CSPG4: variants seen among roughly 807,000 people sequenced by gnomAD.
The protein encoded by CSPG4 is chondroitin sulfate proteoglycan 4, also known as chondroitin sulfate proteoglycan 4 (melanoma-associated).
Under a neutral mutation model 139.3 loss-of-function variants are expected in CSPG4, and 74 were observed. That is an observed-to-expected ratio of 0.53 (90% CI 0.44 to 0.64). The LOEUF is 0.64. Ranked by LOEUF, CSPG4 falls within the 30% of genes least tolerant of loss-of-function variation. The pLI, the probability that CSPG4 is intolerant of heterozygous loss-of-function variation, is 0.00. For synonymous variants in CSPG4, 1,234 were observed against 1,394.2 expected (o/e 0.89, Z 2.56); for missense variants, 2,565 against 3,148.3 (o/e 0.81, Z 4.43).
chr15:75,699,203 G>A (rs902472076), intron 1 of CSPG4, among the ~76,000 whole-genome samples: 2 of 152,228 alleles, frequency 1.3e-5, no homozygotes, highest in Non-Finnish European at 2.9e-5. Flanking sequence ...CCAGTGGGGT[G>A]CTGGAGTGCT....
intron 1 of CSPG4, among the ~76,000 whole-genome samples, chr15:75,706,233 CCT>C (rs759432027): frequency 2.6e-5 from 4 of 152,230 alleles, no homozygotes; most frequent in East Asian, 1.9e-4. Context: ...TCCCCAGCCC[CCT>C]CTGTCTCCCC....
Position 75,698,350 on chromosome 15 carries a change from G to A in CSPG4, c.89-5117C>T, listed in dbSNP as rs775877464. ...CGGGGGGTGGTCGTGGCCCACCTGG[G>A]GGCTGAATGCCGGCTCTGTGAGAGC... On this transcript the variant is annotated intron_variant, in intron 1 of 9. Coordinates refer to ENST00000308508, the MANE Select transcript of CSPG4 (RefSeq NM_001897.5). The surrounding 1 kb of genome is among the most constrained non-coding windows in gnomAD (Gnocchi z 4.3). 3.6e-4 allele frequency among the ~76,000 whole-genome samples: 55 copies of A among 151,950 alleles called. No individual in the cohort carries two copies. The highest frequency in any genetic ancestry group is 6.5e-4 in the Non-Finnish European group (44 of 67,958).
rs564661535 is a variant in CSPG4, at chr15:75,693,145, C to T, written c.177G>A (p.Gln59=). 2.9e-5 allele frequency: 47 copies of T among 1,599,638 alleles called. 1 individual carries two copies. In the South Asian group the frequency reaches 3.7e-4, roughly 13 times the overall value. The change falls in exon 2 of 10, where the codon CAG becomes CAA. Residue 59 remains glutamine, a synonymous_variant. Transcript: ENST00000308508. ...CTGCCAGGAGAAGGAGGGCTTCGGG[C>T]TGGGACGTGGAGAACTGCAGCTGCA... The part of the protein sequence containing the change: ...IDLQLQFSTS[Q]PEALLLLAAG...
chr15:75,695,116 C>T (rs1266063662), intron 1 of CSPG4, among the ~76,000 whole-genome samples: 3 of 152,178 alleles, frequency 2.0e-5, no homozygotes, highest in Admixed American at 2.0e-4. Flanking sequence ...ATCAGGGTTC[C>T]CCCTCCCCAA....
intron 8 of CSPG4, among the ~76,000 whole-genome samples, chr15:75,681,794 T>TGACTCAGCTGCCTTTCATC (rs1893977279): frequency 1.3e-5 from 2 of 152,214 alleles, no homozygotes; most frequent in African/African-American, 4.8e-5. Flanking sequence ...CCCTCTTGGC[T>TGACTCAGCTGCCTTTCATC]GACTCAGCTG....
intron 1 of CSPG4, among the ~76,000 whole-genome samples, chr15:75,700,432 C>T (rs956905166): frequency 5.3e-5 from 8 of 152,128 alleles, no homozygotes; most frequent in Middle Eastern, 3.2e-3. Context: ...TCTCCTTGGG[C>T]GGTTTGGCAG....
Position 75,674,511 on chromosome 15 carries a change from C to G in CSPG4, c.*1039G>C, listed in dbSNP as rs1431103709. The stretch of plus-strand genomic sequence containing the variant: ...AGTTCAGAGGCCTGCCTGGCCCTGT[C>G]CATCCCACTGGCTGAGGCCAGGCCG... On this transcript the variant is annotated 3_prime_UTR_variant, in exon 10 of 10. Coordinates refer to ENST00000308508, the MANE Select transcript of CSPG4 (RefSeq NM_001897.5). 2.6e-6 allele frequency: 1 copy of G among 383,824 alleles called. No homozygotes were observed. The highest frequency in any genetic ancestry group is 3.7e-5 in the East Asian group (1 of 27,278). The allele number at this position is 383,824 out of a possible 1,614,324, so 23.8% of individuals were successfully genotyped here. A position where few individuals can be genotyped will look rare whatever the true frequency, so the allele number is the denominator to read the frequency against.
rs1893880216 is a variant in CSPG4, at chr15:75,675,783, G to A, written c.6736C>T (p.Leu2246Phe). The A allele has an allele frequency of 2.5e-6, 4 of 1,613,572 alleles. No individual in the cohort carries two copies. Among genetic ancestry groups the A allele is most frequent in the Non-Finnish European group, 3.4e-6 (4 of 1,179,852 alleles). Residue 2246 changes from leucine (L) to phenylalanine (F), a missense_variant, in exon 10 of 10, where the codon CTC becomes TTC. Leu to Phe is a conservative substitution (Grantham distance 22). This residue lies in a region of CSPG4 where 2,316 missense variants were observed against 2,818.2 expected (regional missense o/e 0.82). Transcript: ENST00000308508. ...LALILPLLFY[L>F]RKRNKTGKHD... ...TTGCCCGTCTTGTTGCGTTTTCGGA[G>A]GTAGAAGAGCAGGGGCAGGATGAGC...
At chr15:75,694,512 C>T (rs1025442199) in intron 1 of CSPG4, among the ~76,000 whole-genome samples, 3 of 152,210 alleles carry the variant, frequency 2.0e-5, no homozygotes, top group East Asian at 3.8e-4. Flanking sequence ...AGGGATAATC[C>T]GGCACCAGCC....
rs968411256 is a variant in CSPG4, at chr15:75,701,672, C to T, written c.89-8439G>A. 3.9e-5 allele frequency among the ~76,000 whole-genome samples: 6 copies of T among 152,316 alleles called. No individual in the cohort carries two copies. In the East Asian group the frequency reaches 5.8e-4, roughly 15 times the overall value. On this transcript the variant is annotated intron_variant, in intron 1 of 9. Transcript: ENST00000308508. ...GCCTCAGGCCCAGCCTCTGCTAATG[C>T]ACCACGTCTCTCTCACTGGCACCAA...
In CSPG4 at chr15:75,698,872, G is replaced by GGGAA. The variant is rs1894263787; in HGVS notation, c.89-5640_89-5639insTTCC. 1.3e-5 allele frequency among the ~76,000 whole-genome samples: 2 copies of GGGAA among 152,150 alleles called. No individual in the cohort carries two copies. Among genetic ancestry groups the GGGAA allele is most frequent in the East Asian group, 3.9e-4 (2 of 5,178 alleles). On this transcript the variant is annotated intron_variant, in intron 1 of 9. Coordinates refer to ENST00000308508, the MANE Select transcript of CSPG4 (RefSeq NM_001897.5). This position sits in a 1 kb window ranked among gnomAD's most constrained non-coding sequence, Gnocchi z 4.3. The stretch of plus-strand genomic sequence containing the variant: ...GGGTAGGTTACAGGGGAGACTTAAG[G>GGGAA]TCAGACTAAGGGGAGCGACCTGCCC...
rs552981109 is a variant in CSPG4 at position 75,682,642 on chromosome 15, G to A, written c.4748C>T (p.Ser1583Leu). The change falls in exon 7 of 10, where the codon TCG becomes TTG. Residue 1583 changes from serine (S) to leucine (L), a missense_variant. This residue lies in a region of CSPG4 where 2,316 missense variants were observed against 2,818.2 expected (regional missense o/e 0.82). Transcript: ENST00000308508. Reference sequence around the variant, plus strand: ...AGTCAGTGTCTGGCTGCCCTTCAGCGAGAGGAGCACTTGCTTCTGGGCCGT... The same window carrying A: ...AGTCAGTGTCTGGCTGCCCTTCAGCAAGAGGAGCACTTGCTTCTGGGCCGT... ...RVTAQKQVLL[S>L]LKGSQTLTVC... 1.9e-5 allele frequency: 30 copies of A among 1,613,154 alleles called. No homozygotes were observed. The highest frequency in any genetic ancestry group is 4.0e-5 in the African/African-American group (3 of 75,058).
At chr15:75,704,835 C>T (rs1377768102) in intron 1 of CSPG4, among the ~76,000 whole-genome samples, 1 of 152,224 alleles carries the variant, frequency 6.6e-6, no homozygotes, top group Non-Finnish European at 1.5e-5. Context: ...CGTGATGCAG[C>T]CACCACTGCT....
Position 75,689,520 on chromosome 15 carries a change from G to T in CSPG4, c.1545C>A (p.Ser515=). The change falls in exon 3 of 10, where the codon TCC becomes TCA. Residue 515 remains serine (S), a synonymous_variant. Transcript: ENST00000308508. ...RFIHDGSEDT[S]DQLVLEVSVT... is the part of the protein sequence containing the mutation. ...CCGACACCTCCAGCACCAGCTGGTC[G>T]GAGGTGTCCTCAGAGCCATCGTGGA... The T allele has an allele frequency of 1.9e-6, 3 of 1,587,004 alleles. No individual in the cohort carries two copies. The highest frequency in any genetic ancestry group is 2.6e-6 in the Non-Finnish European group (3 of 1,172,188).
At chr15:75,691,456 A>G (rs1355120617) in intron 2 of CSPG4, among the ~76,000 whole-genome samples, 1 of 152,182 alleles carries the variant, frequency 6.6e-6, no homozygotes, top group Admixed American at 6.5e-5. Context: ...TCTTTCCTTG[A>G]GTGAGAGGTG....
chr15:75,705,199 T>C (rs1255127202), intron 1 of CSPG4, among the ~76,000 whole-genome samples: 2 of 152,148 alleles, frequency 1.3e-5, no homozygotes, highest in Non-Finnish European at 2.9e-5. Flanking sequence ...CTCAGCCCAG[T>C]TAGCCACAGA....
At chr15:75,712,215 G>T (rs962588406) in intron 1 of CSPG4, among the ~76,000 whole-genome samples, 4 of 149,092 alleles carry the variant, frequency 2.7e-5, no homozygotes, top group Non-Finnish European at 6.0e-5. Context: ...CTCATTCCTC[G>T]TTTCCCACCT....
intron 2 of CSPG4, 73 bp downstream of exon 2, chr15:75,692,997 C>T: frequency 4.3e-6 from 3 of 697,632 alleles, no homozygotes; most frequent in Non-Finnish European, 7.3e-6. Context: ...ACACAGCCAG[C>T]TGGGGTTCAC....
Position 75,685,776 on chromosome 15 carries a change from A to C in CSPG4, c.3790-75T>G, listed in dbSNP as rs143749380. ...CAGAGGGGTCCACTGTGGCCCTAAG[A>C]AGCCGGAACAGGCTTGATCTTGCCC... On this transcript the variant is annotated intron_variant, in intron 3 of 9. Transcript: ENST00000308508. 982 of 1,464,884 alleles carry C rather than the reference A, an allele frequency of 6.7e-4. 3 individuals are homozygous for C. The highest frequency in any genetic ancestry group is 2.7e-3 in the African/African-American group (189 of 71,254). The allele number at this position is 1,464,884 out of a possible 1,614,324, so 90.7% of individuals were successfully genotyped here.
Sources: gnomAD v4.1 joint callset for allele counts (sites outside exome capture counted in the v4.1 genomes callset) on GRCh38, gnomAD v4.1.1 for gene constraint, gnomAD v4.1.1 regional missense constraint, Gnocchi (gnomAD v3.1) non-coding constraint, MANE v1.5 for transcripts, NCBI Gene and HGNC (gene_info 2026-07-23, HGNC 2026-07-21) for gene names.